The following RASSF8 variants were observed in gnomAD, a reference collection of about 807,000 sequenced individuals.
The protein encoded by RASSF8 is Ras association domain family member 8, also known as ras association domain-containing protein 8.
A neutral mutation model predicts 48.5 loss-of-function variants in RASSF8; 22 were observed. That is an observed-to-expected ratio of 0.45 (90% CI 0.32 to 0.65). RASSF8 has a LOEUF of 0.65. Ranked by LOEUF, RASSF8 falls within the 30% of genes least tolerant of loss-of-function variation. The probability of loss-of-function intolerance (pLI) is 0.03; values close to 1 mark genes in which losing one functional copy is unlikely to be tolerated. For synonymous variants in RASSF8, 127 were observed against 171.5 expected (o/e 0.74, Z 2.03); for missense variants, 418 against 489.2 (o/e 0.85, Z 1.37).
At chr12:25,989,198 T>C (rs557063481) in intron 1 of RASSF8, among the ~76,000 whole-genome samples, 19 of 152,328 alleles carry the variant, frequency 1.2e-4, no homozygotes, top group African/African-American at 4.1e-4. Context: ...AACCATATGT[T>C]TTCTCATAAT....
At chr12:25,997,038 A>G (rs74071350) in intron 2 of RASSF8, among the ~76,000 whole-genome samples, 1,753 of 152,224 alleles carry the variant, frequency 0.012, 36 homozygotes, top group African/African-American at 0.04. Flanking sequence ...TTTTTTCCCC[A>G]TAATGATGCA....
At chr12:25,982,547 C>T (rs1285143532) in intron 1 of RASSF8, among the ~76,000 whole-genome samples, 1 of 152,202 alleles carries the variant, frequency 6.6e-6, no homozygotes, top group East Asian at 1.9e-4. Flanking sequence ...GGCAAGAAAA[C>T]ATGAAAATAA....
At chr12:25,988,018 ATTT>A (rs758560310) in intron 1 of RASSF8, among the ~76,000 whole-genome samples, 1 of 137,894 alleles carries the variant, frequency 7.3e-6, no homozygotes, top group Non-Finnish European at 1.6e-5. Context: ...TGCCTGGCTA[ATTT>A]TTTTTTTTTT....
chr12:26,028,721 G>A (rs772372167), intron 2 of RASSF8, among the ~76,000 whole-genome samples: 24 of 152,158 alleles, frequency 1.6e-4, no homozygotes, highest in Middle Eastern at 3.4e-3. Flanking sequence ...GAGGAAGAGT[G>A]TACTGGGTAT....
At chr12:25,963,703 T>C (rs1420674900) in intron 1 of RASSF8, among the ~76,000 whole-genome samples, 5 of 152,102 alleles carry the variant, frequency 3.3e-5, no homozygotes, top group African/African-American at 1.2e-4. Context: ...ATCCTTTGAG[T>C]GGTCTGGACC....
intron 2 of RASSF8, among the ~76,000 whole-genome samples, chr12:26,000,225 G>A (rs950793882): frequency 3.3e-5 from 5 of 152,148 alleles, no homozygotes; most frequent in African/African-American, 1.2e-4. Flanking sequence ...TCAGAAGAAT[G>A]TTGTGTTGAT....
At chr12:25,959,464 G>A (rs910151628) in intron 1 of RASSF8, 1 of 152,268 alleles carries the variant, frequency 6.6e-6, no homozygotes, top group Admixed American at 6.5e-5. Flanking sequence ...TTCTTGCAAA[G>A]GGAATTTTAT....
intron 1 of RASSF8, among the ~76,000 whole-genome samples, chr12:25,964,042 A>AG (rs1438542918): frequency 1.3e-5 from 2 of 152,200 alleles, no homozygotes; most frequent in Non-Finnish European, 2.9e-5. Flanking sequence ...GGGGCACACC[A>AG]GGTGATTTGC....
intron 2 of RASSF8, among the ~76,000 whole-genome samples, chr12:26,054,919 A>G (rs1008530805): frequency 6.6e-6 from 1 of 152,190 alleles, no homozygotes; most frequent in Non-Finnish European, 1.5e-5. Context: ...ATCCTAATGA[A>G]ATAATCCAAA....
chr12:25,983,255 A>G (rs557438135), intron 1 of RASSF8, among the ~76,000 whole-genome samples: 477 of 2,752 alleles, frequency 0.17, 2 homozygotes, highest in African/African-American at 0.24. Flanking sequence ...AAAAAATCTG[A>G]AACTAAATAG....
At chr12:26,025,566 A>C (rs1942892499) in intron 2 of RASSF8, among the ~76,000 whole-genome samples, 1 of 150,068 alleles carries the variant, frequency 6.7e-6, no homozygotes, top group Non-Finnish European at 1.5e-5. Flanking sequence ...CTGTCTCAAA[A>C]AAAAAAAAAA....
chr12:26,041,057 T>A, intron 2 of RASSF8, among the ~76,000 whole-genome samples: 1 of 151,220 alleles, frequency 6.6e-6, no homozygotes, highest in Non-Finnish European at 1.5e-5. Flanking sequence ...CTGGTTAATT[T>A]TTTTTTTTGT....
chr12:26,048,763 G>GTT (rs145889885), intron 2 of RASSF8, among the ~76,000 whole-genome samples: 1 of 150,990 alleles, frequency 6.6e-6, no homozygotes, highest in East Asian at 1.9e-4. Context: ...GTTTTGTTTT[G>GTT]TTTTTTTCAG....
rs7133619 is a variant in RASSF8 at position 26,048,946 on chromosome 12, C to A, written c.-108-6290C>A. Among the ~76,000 whole-genome samples, 1,312 of 152,002 alleles carry A rather than the reference C, an allele frequency of 8.6e-3. 19 individuals are homozygous for A. Among genetic ancestry groups the A allele is most frequent in the African/African-American group, 0.03 (1,246 of 41,444 alleles). On this transcript the variant is annotated intron_variant, in intron 2 of 5. Transcript: ENST00000689635. ...TTTTTTTTTGTATTTTTAGTAGAGA[C>A]GGGGTTTCACCATATTGGCCAGGCC...
intron 1 of RASSF8, among the ~76,000 whole-genome samples, chr12:25,979,058 G>T (rs1381497505): frequency 6.6e-6 from 1 of 152,134 alleles, no homozygotes; most frequent in African/African-American, 2.4e-5. Flanking sequence ...TTACCTAGAA[G>T]GCAGTAAGAA....
At position 26,069,010 on chromosome 12, in the gene RASSF8, A is replaced by G; in HGVS notation, c.*192A>G. On this transcript the variant is annotated 3_prime_UTR_variant, in exon 6 of 6. Transcript: ENST00000689635. ...AAGAACAAAGAAACTGTGTTTTCAC[A>G]CATCAACAGTGTTGATATTTTTGTC... The G allele has an allele frequency of 2.3e-6, 3 of 1,302,430 alleles. No homozygotes were observed. The highest frequency in any genetic ancestry group is 3.9e-5 in the South Asian group (2 of 51,320). 80.7% of individuals were successfully genotyped at this position (1,302,430 alleles called of 1,614,324 possible).
At chr12:26,014,314 A>G (rs920373206) in intron 2 of RASSF8, among the ~76,000 whole-genome samples, 9 of 152,302 alleles carry the variant, frequency 5.9e-5, no homozygotes, top group African/African-American at 2.2e-4. Context: ...TTTAAGCATC[A>G]CATTCTTGGC....
intron 2 of RASSF8, among the ~76,000 whole-genome samples, chr12:26,042,312 A>G (rs1339029609): frequency 6.6e-6 from 1 of 151,994 alleles, no homozygotes; most frequent in African/African-American, 2.4e-5. Context: ...GTTTTGTTTT[A>G]TTTTGTTTTG....
In RASSF8 at chr12:26,071,693, T is replaced by C; in HGVS notation, c.*2875T>C. 10 of 983,102 alleles carry C rather than the reference T, an allele frequency of 1.0e-5. No individual in the cohort carries two copies. The highest frequency in any genetic ancestry group is 1.2e-5 in the Non-Finnish European group (10 of 827,844). 60.9% of individuals were successfully genotyped at this position (983,102 alleles called of 1,614,324 possible). A position where few individuals can be genotyped will look rare whatever the true frequency, so the allele number is the denominator to read the frequency against. On this transcript the variant is annotated 3_prime_UTR_variant, in exon 6 of 6. Transcript: ENST00000689635. ...AATATGAGACTTCAGTTGGTATTAATAGGAGTTACCTATTTAATTCTCCCA... is the reference window on the plus strand; with the variant it reads ...AATATGAGACTTCAGTTGGTATTAACAGGAGTTACCTATTTAATTCTCCCA...
Sources: allele counts gnomAD v4.1 joint callset (sites outside exome capture counted in the v4.1 genomes callset), GRCh38; gene constraint gnomAD v4.1.1; transcripts MANE v1.5; gene names NCBI Gene and HGNC (gene_info 2026-07-23, HGNC 2026-07-21).